Variants in VAV3 observed in about 807,000 individuals in gnomAD.
VAV3 encodes the protein guanine nucleotide exchange factor VAV3.
Under a neutral mutation model 131.2 loss-of-function variants are expected in VAV3, and 94 were observed. That is an observed-to-expected ratio of 0.72 (90% CI 0.61 to 0.85). The LOEUF is 0.85. Ranked by LOEUF, VAV3 falls within the 40% of genes least tolerant of loss-of-function variation. The pLI is 0.00. For missense variants in VAV3, 939 were observed against 1,002.7 expected (o/e 0.94, Z 0.86); for synonymous variants, 349 against 342.0 (o/e 1.02, Z -0.22).
intron 21 of VAV3, among the ~76,000 whole-genome samples, chr1:107,611,374 T>C (rs1652713458): frequency 6.6e-6 from 1 of 152,124 alleles, no homozygotes; most frequent in African/African-American, 2.4e-5. Flanking sequence ...TAAACAGCAA[T>C]TAATGTTGAA....
At chr1:107,918,451 G>A (rs1473488583) in intron 1 of VAV3, among the ~76,000 whole-genome samples, 1 of 151,964 alleles carries the variant, frequency 6.6e-6, no homozygotes, top group Non-Finnish European at 1.5e-5. Flanking sequence ...ATGTAAACCT[G>A]GATTGTTGCA....
intron 1 of VAV3, among the ~76,000 whole-genome samples, chr1:107,922,601 C>T (rs1672951453): frequency 6.6e-6 from 1 of 152,118 alleles, no homozygotes; most frequent in Non-Finnish European, 1.5e-5. Flanking sequence ...AAACATTTTA[C>T]ATCATTGCTG....
At chr1:107,793,641 G>A (rs1666405373) in intron 2 of VAV3, among the ~76,000 whole-genome samples, 1 of 152,216 alleles carries the variant, frequency 6.6e-6, no homozygotes, top group South Asian at 2.1e-4. Context: ...ATGAGATACA[G>A]TTGAAGTTGC....
At chr1:107,854,772 G>GT (rs1437461488) in intron 2 of VAV3, among the ~76,000 whole-genome samples, 2 of 152,128 alleles carry the variant, frequency 1.3e-5, no homozygotes, top group Admixed American at 1.3e-4. Flanking sequence ...CTTCTCTCAG[G>GT]TATGTGAAGG....
intron 15 of VAV3, among the ~76,000 whole-genome samples, chr1:107,708,821 C>G (rs1660606934): frequency 6.6e-6 from 1 of 151,976 alleles, no homozygotes; most frequent in African/African-American, 2.4e-5. Flanking sequence ...TTCTCTTAAC[C>G]CTTCCTGTGA....
At chr1:107,657,241 C>A (rs1363618361) in intron 19 of VAV3, among the ~76,000 whole-genome samples, 1 of 152,114 alleles carries the variant, frequency 6.6e-6, no homozygotes, top group East Asian at 1.9e-4. Flanking sequence ...AGGCATGAGC[C>A]ACCACGCCCG....
chr1:107,903,462 A>G (rs1488271178), intron 1 of VAV3, among the ~76,000 whole-genome samples: 1 of 152,172 alleles, frequency 6.6e-6, no homozygotes, highest in Non-Finnish European at 1.5e-5. Context: ...GTGGCAGCAG[A>G]GAGACCTGCA....
intron 25 of VAV3, among the ~76,000 whole-genome samples, chr1:107,575,340 G>T (rs1649571117): frequency 6.6e-6 from 1 of 152,088 alleles, no homozygotes; most frequent in Non-Finnish European, 1.5e-5. Flanking sequence ...CAGTTCCCAG[G>T]GCTCAGGCAG....
chr1:107,919,367 T>C (rs1672776660), intron 1 of VAV3, among the ~76,000 whole-genome samples: 1 of 152,262 alleles, frequency 6.6e-6, no homozygotes, highest in Non-Finnish European at 1.5e-5. Flanking sequence ...CCAGTGAGCC[T>C]ATTTTAATGA....
intron 15 of VAV3, among the ~76,000 whole-genome samples, chr1:107,744,404 T>C (rs1383417075): frequency 1.3e-5 from 2 of 152,138 alleles, no homozygotes; most frequent in Non-Finnish European, 2.9e-5. Context: ...AGGGGGTAAA[T>C]GAGAATTGTT....
chr1:107,760,784 C>A lies in VAV3; in HGVS notation c.1017G>T (p.Gln339His), dbSNP rs769921886. ...QRVLKYHLLL[Q>H]ELVKHTTDPT... is the part of the protein sequence containing the mutation. The stretch of plus-strand genomic sequence containing the variant: ...AAATAAACTGTTTTAAGTTACATAC[C>A]TGGAGGAGAAGGTGGTACTTTAAAA... Residue 339 changes from glutamine to histidine, a missense_variant and splice_region_variant, in exon 10 of 27, where the codon CAG becomes CAT. Gln to His is a conservative substitution (Grantham distance 24). Coordinates refer to ENST00000370056, the MANE Select transcript of VAV3 (RefSeq NM_006113.5). 1 of 1,606,784 alleles carries A rather than the reference C, an allele frequency of 6.2e-7. No homozygotes were observed. Among genetic ancestry groups the A allele is most frequent in the South Asian group, 1.1e-5 (1 of 90,582 alleles).
At chr1:107,686,848 A>T (rs1393009832) in intron 18 of VAV3, among the ~76,000 whole-genome samples, 1 of 152,154 alleles carries the variant, frequency 6.6e-6, no homozygotes, top group African/African-American at 2.4e-5. Context: ...CCCACTTCTT[A>T]TTGGCATATT....
At position 107,964,574 on chromosome 1, in the gene VAV3, C is replaced by T. The variant is rs1009990635; in HGVS notation, c.204+92G>A. The T allele has an allele frequency of 6.4e-6, 9 of 1,395,450 alleles. No homozygotes were observed. In the South Asian group the frequency reaches 1.2e-4, roughly 19 times the overall value. The allele number at this position is 1,395,450 out of a possible 1,614,324, so 86.4% of individuals were successfully genotyped here. A position where few individuals can be genotyped will look rare whatever the true frequency, so the allele number is the denominator to read the frequency against. ...GCTGGGAAGCAGGGCAAGCTCAGCG[C>T]ACCTAGACGTTTGCATTTACACAAA... is the stretch of plus-strand genomic sequence containing the variant. On this transcript the variant is annotated intron_variant, in intron 1 of 26. Transcript: ENST00000370056.
intron 1 of VAV3, among the ~76,000 whole-genome samples, chr1:107,945,490 A>G (rs746425379): frequency 7.2e-5 from 11 of 152,222 alleles, no homozygotes; most frequent in Non-Finnish European, 1.6e-4. Context: ...GAATAAAAAT[A>G]TAAGTGGCCC....
chr1:107,873,479 A>C (rs1670343172), intron 2 of VAV3, among the ~76,000 whole-genome samples: 1 of 152,122 alleles, frequency 6.6e-6, no homozygotes, highest in Non-Finnish European at 1.5e-5. Context: ...AGATTTTTTT[A>C]AAGGTGCAGG....
chr1:107,729,641 C>A (rs1330219271), intron 15 of VAV3, among the ~76,000 whole-genome samples: 2 of 152,128 alleles, frequency 1.3e-5, no homozygotes, highest in Non-Finnish European at 2.9e-5. Flanking sequence ...CCTGAATTTT[C>A]TCATTTGCTA....
intron 19 of VAV3, among the ~76,000 whole-genome samples, chr1:107,650,653 C>T (rs1395444060): frequency 6.6e-6 from 1 of 150,590 alleles, no homozygotes; most frequent in African/African-American, 2.4e-5. Context: ...TGGTGTGCTG[C>T]ACCCATTAAC....
intron 21 of VAV3, among the ~76,000 whole-genome samples, chr1:107,611,187 T>C (rs1223737303): frequency 2.0e-5 from 3 of 152,202 alleles, no homozygotes; most frequent in Non-Finnish European, 4.4e-5. Context: ...GAGCATCATG[T>C]CAGTGCTTAA....
intron 22 of VAV3, chr1:107,609,685 T>A: frequency 2.5e-6 from 1 of 405,344 alleles, no homozygotes; most frequent in Non-Finnish European, 4.5e-6. Context: ...TTTCTGTGGC[T>A]GGTATAAACT....
Sources: gnomAD v4.1 joint callset for allele counts (sites outside exome capture counted in the v4.1 genomes callset) on GRCh38, gnomAD v4.1.1 for gene constraint, MANE v1.5 for transcripts, NCBI Gene and HGNC (gene_info 2026-07-23, HGNC 2026-07-21) for gene names.